Variants in ESR1 observed in about 807,000 individuals in gnomAD.
ESR1 encodes the protein estrogen receptor 1, also known as estrogen receptor.
In ESR1, 12 loss-of-function variants were observed where a neutral mutation model predicts 52.7. The observed-to-expected ratio is 0.23, with a 90% CI of 0.15 to 0.37. ESR1 has a LOEUF of 0.37. Among genes scored for constraint, ESR1 ranks in the 10% least tolerant of loss-of-function variants. ESR1 has a pLI of 1.00. For missense variants in ESR1, 584 were observed against 779.7 expected (o/e 0.75, Z 2.99); for synonymous variants, 305 against 316.8 (o/e 0.96, Z 0.39).
intron 2 of ESR1, among the ~76,000 whole-genome samples, chr6:151,784,618 C>T (rs1205944626): frequency 1.3e-5 from 2 of 152,150 alleles, no homozygotes; most frequent in Admixed American, 6.5e-5. Flanking sequence ...ACATGTGACT[C>T]AGAGTTATAA....
intron 3 of ESR1, 27 bp from the exon 4 acceptor site, chr6:151,944,146 A>G: frequency 1.3e-6 from 2 of 1,531,444 alleles, no homozygotes; most frequent in South Asian, 2.2e-5. Flanking sequence ...AAAATAAACT[A>G]ATTTTTTTTT....
intron 2 of ESR1, among the ~76,000 whole-genome samples, chr6:151,722,594 T>G (rs897214313): frequency 3.9e-5 from 6 of 152,186 alleles, no homozygotes; most frequent in Non-Finnish European, 7.3e-5. Flanking sequence ...CTTAAAACAG[T>G]AATGATCACA....
At chr6:151,955,291 G>T (rs74753326) in intron 4 of ESR1, among the ~76,000 whole-genome samples, 7,093 of 152,188 alleles carry the variant, frequency 0.047, 217 homozygotes, top group Middle Eastern at 0.088. Flanking sequence ...TAAAAAGAGG[G>T]TATATTCTAG....
At chr6:151,927,727 C>CTT (rs574266553) in intron 3 of ESR1, among the ~76,000 whole-genome samples, 1 of 148,022 alleles carries the variant, frequency 6.8e-6, no homozygotes, top group Non-Finnish European at 1.5e-5. Flanking sequence ...TTCTGTCTCT[C>CTT]TTTTTTTTTT....
At chr6:152,076,229 G>T (rs907286529) in intron 6 of ESR1, among the ~76,000 whole-genome samples, 5 of 152,102 alleles carry the variant, frequency 3.3e-5, no homozygotes, top group African/African-American at 1.2e-4. Context: ...TCTCATTGTA[G>T]TGAATAAGTC....
chr6:152,015,778 G>A (rs1373043745), intron 5 of ESR1, among the ~76,000 whole-genome samples: 4 of 152,056 alleles, frequency 2.6e-5, no homozygotes, highest in Admixed American at 1.3e-4. Flanking sequence ...ATCTATAAGC[G>A]CATTTGGCGT....
intron 1 of ESR1, among the ~76,000 whole-genome samples, chr6:151,820,695 G>T (rs1780419867): frequency 6.6e-6 from 1 of 152,314 alleles, no homozygotes; most frequent in African/African-American, 2.4e-5. Context: ...TATTTTAGTT[G>T]TGACAATGCT....
chr6:151,841,169 C>T (rs9340795), intron 1 of ESR1, among the ~76,000 whole-genome samples: 2,039 of 152,206 alleles, frequency 0.013, 39 homozygotes, highest in African/African-American at 0.044. Context: ...TCAAACATTC[C>T]CTTTCTCCTG....
rs752198188 is a variant in ESR1, at chr6:152,098,903, A to G, written c.1725A>G (p.Ser575=). 6.2e-6 allele frequency: 10 copies of G among 1,614,214 alleles called. No homozygotes were observed. In the South Asian group the frequency reaches 8.8e-5, roughly 14 times the overall value. Residue 575 remains serine, a synonymous_variant, in exon 8 of 8, where the codon TCA becomes TCG. Transcript: ENST00000206249. This position sits in a 1 kb window ranked among gnomAD's most constrained non-coding sequence, Gnocchi z 5.1. The stretch of plus-strand genomic sequence containing the variant: ...ACTTGGCCACTGCGGGCTCTACTTC[A>G]TCGCATTCCTTGCAAAAGTATTACA... The part of the protein sequence containing the change: ...QSHLATAGST[S]SHSLQKYYIT...
At chr6:151,670,145 T>C (rs2115247160) in intron 1 of ESR1, among the ~76,000 whole-genome samples, 1 of 152,312 alleles carries the variant, frequency 6.6e-6, no homozygotes, top group Middle Eastern at 3.4e-3. Context: ...CATCTTGCAT[T>C]TTCTCAGAGC....
At chr6:151,841,968 T>C (rs1224018882) in intron 1 of ESR1, among the ~76,000 whole-genome samples, 2 of 152,164 alleles carry the variant, frequency 1.3e-5, no homozygotes, top group Non-Finnish European at 2.9e-5. Flanking sequence ...ATTCTCCTGC[T>C]TTGGCCTCCC....
chr6:151,898,131 TTCTTA>T (rs983685336), intron 3 of ESR1, among the ~76,000 whole-genome samples: 6 of 152,202 alleles, frequency 3.9e-5, no homozygotes, highest in African/African-American at 1.4e-4. Flanking sequence ...AAGATTATTT[TTCTTA>T]TCTTAACTTT....
intron 1 of ESR1, among the ~76,000 whole-genome samples, chr6:151,832,632 A>T (rs1294612929): frequency 2.0e-5 from 3 of 152,080 alleles, no homozygotes; most frequent in African/African-American, 7.2e-5. Context: ...AGAGCAACAG[A>T]CTCAGCTATG....
intron 2 of ESR1, among the ~76,000 whole-genome samples, chr6:151,756,449 C>T (rs1448290063): frequency 6.6e-6 from 1 of 152,022 alleles, no homozygotes; most frequent in Non-Finnish European, 1.5e-5. Flanking sequence ...GGTTTCATCA[C>T]GTTGGTCGGG....
At chr6:151,968,252 C>T (rs974118610) in intron 4 of ESR1, among the ~76,000 whole-genome samples, 1 of 152,160 alleles carries the variant, frequency 6.6e-6, no homozygotes, top group Admixed American at 6.5e-5. Flanking sequence ...CTTCCTTACA[C>T]CTTACACAAA....
chr6:152,094,479 C>T lies in ESR1; in HGVS notation c.1464C>T (p.His488=), dbSNP rs2050456022. The change falls in exon 7 of 8, where the codon CAC becomes CAT. Residue 488 remains histidine (H), a synonymous_variant. Transcript: ENST00000206249. The surrounding 1 kb of genome is among the most constrained non-coding windows in gnomAD (Gnocchi z 4.6). ...ACAAGATCACAGACACTTTGATCCA[C>T]CTGATGGCCAAGGCAGGCCTGACCC... is the stretch of plus-strand genomic sequence containing the variant. ...VLDKITDTLI[H]LMAKAGLTLQ... is the part of the protein sequence containing the mutation. 1 of 1,614,150 alleles carries T rather than the reference C, an allele frequency of 6.2e-7. No homozygotes were observed. Among genetic ancestry groups the T allele is most frequent in the Non-Finnish European group, 8.5e-7 (1 of 1,180,002 alleles).
chr6:151,755,397 C>G (rs2128085904), intron 2 of ESR1, among the ~76,000 whole-genome samples: 1 of 152,284 alleles, frequency 6.6e-6, no homozygotes, highest in South Asian at 2.1e-4. Flanking sequence ...CTCCTCTCTT[C>G]CATGGGCTCA....
intron 4 of ESR1, among the ~76,000 whole-genome samples, chr6:151,951,036 A>C (rs969588184): frequency 7.2e-5 from 11 of 152,130 alleles, no homozygotes; most frequent in African/African-American, 2.7e-4. Context: ...GAACAGGCTT[A>C]GAAGTTGATT....
At chr6:152,122,155 C>A (rs116356962) in intron 6 of ESR1, 10 of 463,380 alleles carry the variant, frequency 2.2e-5, no homozygotes, top group Non-Finnish European at 3.6e-5. Context: ...TTCATGAGTC[C>A]GGGGAACTTT....
Sources: gnomAD v4.1 joint callset for allele counts (sites outside exome capture counted in the v4.1 genomes callset) on GRCh38, gnomAD v4.1.1 for gene constraint, Gnocchi (gnomAD v3.1) non-coding constraint, MANE v1.5 for transcripts, NCBI Gene and HGNC (gene_info 2026-07-23, HGNC 2026-07-21) for gene names.